PADI3: variants seen among roughly 807,000 people sequenced by gnomAD.
The protein encoded by PADI3 is protein-arginine deiminase type-3.
PADI3 carries 53 observed loss-of-function variants against 71.5 expected under a neutral mutation model. The ratio of observed to expected loss-of-function variants is 0.74; its 90% CI spans 0.59 to 0.93. PADI3 has a LOEUF of 0.93. Among genes scored for constraint, PADI3 ranks in the 40% least tolerant of loss-of-function variants. The probability of loss-of-function intolerance (pLI) is 0.00; values close to 1 mark genes in which losing one functional copy is unlikely to be tolerated. For missense variants in PADI3, 821 were observed against 868.0 expected (o/e 0.95, Z 0.68); for synonymous variants, 361 against 347.5 (o/e 1.04, Z -0.43).
intron 3 of PADI3, 152 bp from the exon 4 acceptor site, chr1:17,265,507 C>A: frequency 1.4e-6 from 1 of 698,392 alleles, no homozygotes; most frequent in Non-Finnish European, 2.5e-6. Flanking sequence ...GCCTCTTTCC[C>A]CAGCCCAGAG....
intron 1 of PADI3, among the ~76,000 whole-genome samples, chr1:17,255,548 C>T (rs2073017595): frequency 6.6e-6 from 1 of 152,210 alleles, no homozygotes; most frequent in South Asian, 2.1e-4. Flanking sequence ...GGTGAGGCTC[C>T]AGGTACTTCC....
intron 2 of PADI3, among the ~76,000 whole-genome samples, chr1:17,260,298 G>A (rs2073087527): frequency 6.6e-6 from 1 of 152,190 alleles, no homozygotes; most frequent in Admixed American, 6.5e-5. Flanking sequence ...TATTTGCAGG[G>A]TAGGGGACAT....
chr1:17,249,126 T>G lies in PADI3; in HGVS notation c.-12T>G, dbSNP rs144079663. 4 of 1,613,050 alleles carry G rather than the reference T, an allele frequency of 2.5e-6. No individual in the cohort carries two copies. In the African/African-American group the frequency reaches 5.3e-5, roughly 22 times the overall value. ...GTTGGGGTTGGCGGCCACAGCTAAG[T>G]CCAACACCAGCATGTCGCTGCAGAG... On this transcript the variant is annotated 5_prime_UTR_variant, in exon 1 of 16. Transcript: ENST00000375460.
intron 1 of PADI3, among the ~76,000 whole-genome samples, chr1:17,254,404 A>G (rs1473991061): frequency 6.6e-6 from 1 of 152,192 alleles, no homozygotes; most frequent in Non-Finnish European, 1.5e-5. Context: ...TTGTTCTCCC[A>G]GAAGTCCAGG....
At chr1:17,272,642 GACCACAGGTGCAGCC>G (rs2073270815) in intron 9 of PADI3, among the ~76,000 whole-genome samples, 1 of 152,124 alleles carries the variant, frequency 6.6e-6, no homozygotes, top group African/African-American at 2.4e-5. Flanking sequence ...GAGTAGCTGA[GACCACAGGTGCAGCC>G]ACCAGGCTCA....
chr1:17,281,590 T>C (rs1410003349), intron 15 of PADI3, among the ~76,000 whole-genome samples: 2 of 152,022 alleles, frequency 1.3e-5, no homozygotes, highest in African/African-American at 2.4e-5. Flanking sequence ...GATTGTGGGA[T>C]TGCAGGCGTG....
intron 1 of PADI3, among the ~76,000 whole-genome samples, chr1:17,252,093 T>TTGAGCAGTGAGTC: frequency 6.6e-6 from 1 of 152,254 alleles, no homozygotes; most frequent in East Asian, 1.9e-4. Flanking sequence ...GTATGGGGGC[T>TTGAGCAGTGAGTC]TTTCTTTCTT....
At position 17,271,122 on chromosome 1, in the gene PADI3, G is replaced by A. The variant is rs773298347; in HGVS notation, c.991G>A (p.Gly331Ser). 11 of 1,613,880 alleles carry A rather than the reference G, an allele frequency of 6.8e-6. No homozygotes were observed. Among genetic ancestry groups the A allele is most frequent in the East Asian group, 4.5e-5 (2 of 44,852 alleles). The change falls in exon 9 of 16, where the codon GGC becomes AGC. Residue 331 changes from glycine (G) to serine (S), a missense_variant. Gly to Ser is a moderately conservative substitution (Grantham distance 56). Transcript: ENST00000375460. ...DAVAELARKA[G>S]CKLTICPQAE... ...GGTGGCAGAGCTGGCCAGGAAGGCC[G>A]GCTGCAAGCTGACCATCTGCCCACA... is the stretch of plus-strand genomic sequence containing the variant.
intron 2 of PADI3, among the ~76,000 whole-genome samples, chr1:17,260,178 G>C (rs1483535360): frequency 1.3e-5 from 2 of 152,172 alleles, no homozygotes; most frequent in Non-Finnish European, 2.9e-5. Flanking sequence ...GAATGAAAGA[G>C]AGAAAGCAGG....
intron 1 of PADI3, among the ~76,000 whole-genome samples, chr1:17,253,789 G>C (rs1392426974): frequency 2.6e-5 from 4 of 152,198 alleles, no homozygotes; most frequent in African/African-American, 4.8e-5. Context: ...AATGGAGCCA[G>C]GACTCCAAGT....
intron 13 of PADI3, chr1:17,277,775 AGTC>A (rs1192520514): frequency 6.5e-6 from 1 of 154,410 alleles, no homozygotes; most frequent in Non-Finnish European, 1.5e-5. Context: ...TCATGGCATC[AGTC>A]GTCCCTGCCC....
intron 3 of PADI3, among the ~76,000 whole-genome samples, chr1:17,264,737 G>A (rs3003428): frequency 0.37 from 55,537 of 151,872 alleles, 10,836 homozygotes; most frequent in African/African-American, 0.51. Context: ...CAGGCCACGC[G>A]TGGTGGCTCA....
rs185812078 is a variant in PADI3 at position 17,257,913 on chromosome 1, T to C, written c.93-1665T>C. Reference sequence around the variant, plus strand: ...CAAAAAGGCTTAGGCAGGCCTGCCGTGATAAGAGTGCAGAGGCTGGGGGCT... The same window carrying C: ...CAAAAAGGCTTAGGCAGGCCTGCCGCGATAAGAGTGCAGAGGCTGGGGGCT... On this transcript the variant is annotated intron_variant, in intron 1 of 15. Transcript: ENST00000375460. Among the ~76,000 whole-genome samples the C allele has an allele frequency of 5.5e-3, 835 of 152,286 alleles. 11 individuals are homozygous for C. Among genetic ancestry groups the C allele is most frequent in the Non-Finnish European group, 6.5e-3 (444 of 68,024 alleles).
intron 6 of PADI3, among the ~76,000 whole-genome samples, chr1:17,269,165 G>A (rs78407257): frequency 0.045 from 6,804 of 152,162 alleles, 157 homozygotes; most frequent in Non-Finnish European, 0.055. Context: ...GATTATAGGC[G>A]TGAGACGCCG....
Position 17,263,565 on chromosome 1 carries a change from G to A in PADI3, c.346+1360G>A, listed in dbSNP as rs556505015. On this transcript the variant is annotated intron_variant, in intron 3 of 15. Coordinates refer to ENST00000375460, the MANE Select transcript of PADI3 (RefSeq NM_016233.2). ...AAAGCTTTTAGAAAAGAATATCTTT[G>A]TACCCTCAAAATAGTAAAGATTTTC... Among the ~76,000 whole-genome samples the A allele has an allele frequency of 1.2e-3, 187 of 152,196 alleles. 1 individual carries two copies. Among genetic ancestry groups the A allele is most frequent in the African/African-American group, 4.3e-3 (177 of 41,538 alleles).
intron 13 of PADI3, among the ~76,000 whole-genome samples, chr1:17,277,446 C>T (rs1344466087): frequency 1.3e-5 from 2 of 152,204 alleles, no homozygotes; most frequent in African/African-American, 4.8e-5. Context: ...CAGCCCGCCT[C>T]GGCCTCTCAA....
At chr1:17,251,017 C>T (rs536759695) in intron 1 of PADI3, among the ~76,000 whole-genome samples, 65 of 152,212 alleles carry the variant, frequency 4.3e-4, no homozygotes, top group Admixed American at 7.2e-4. Flanking sequence ...ATGAGGGATT[C>T]TTGGGCCCTG....
In PADI3 at chr1:17,259,608, GGTCTAT is replaced by G; in HGVS notation, c.125_130del (p.Val42_Tyr43del). ...TGCCTGAGGGCACAGAAATGTTTGA[GGTCTAT>G]GGGACGCCTGGCGTGGACATCTACA... On this transcript the variant is annotated inframe_deletion, in exon 2 of 16. Transcript: ENST00000375460. The G allele has an allele frequency of 6.2e-7, 1 of 1,612,018 alleles. No homozygotes were observed. The highest frequency in any genetic ancestry group is 8.5e-7 in the Non-Finnish European group (1 of 1,178,716).
intron 9 of PADI3, among the ~76,000 whole-genome samples, chr1:17,272,576 G>A (rs973761151): frequency 2.6e-5 from 4 of 152,110 alleles, no homozygotes; most frequent in African/African-American, 9.7e-5. Flanking sequence ...CATGATCACA[G>A]CTCACTGGCA....
Sources: gnomAD v4.1 joint callset for allele counts (sites outside exome capture counted in the v4.1 genomes callset) on GRCh38, gnomAD v4.1.1 for gene constraint, MANE v1.5 for transcripts, NCBI Gene and HGNC (gene_info 2026-07-23, HGNC 2026-07-21) for gene names.